The following SPART variants were observed in gnomAD, a reference collection of about 807,000 sequenced individuals.
SPART encodes the protein spartin.
SPART carries 35 observed loss-of-function variants against 58.7 expected under a neutral mutation model. The ratio of observed to expected loss-of-function variants is 0.60; its 90% confidence interval spans 0.46 to 0.79. The LOEUF (loss-of-function observed/expected upper bound fraction) is 0.79. Among genes scored for constraint, SPART ranks in the 30% least tolerant of loss-of-function variants. The probability of loss-of-function intolerance (pLI) is 0.00; values close to 1 mark genes in which losing one functional copy is unlikely to be tolerated. For synonymous variants in SPART, 284 were observed against 280.7 expected (o/e 1.01, Z -0.12); for missense variants, 730 against 786.1 (o/e 0.93, Z 0.85).
intron 1 of SPART, among the ~76,000 whole-genome samples, chr13:36,343,806 T>C (rs776909816): frequency 1.3e-5 from 2 of 152,188 alleles, no homozygotes; most frequent in Non-Finnish European, 2.9e-5. Context: ...TTTACAAATA[T>C]TGAGCAGCTT....
chr13:36,303,633 CTGA>C lies in SPART; in HGVS notation c.*729_*731del, dbSNP rs1235501667. On this transcript the variant is annotated 3_prime_UTR_variant, in exon 9 of 9. Transcript: ENST00000438666. Reference sequence around the variant, plus strand: ...GAAGTACTTTTTTAATCCAATTAAGCTGATAATAATCACTTCGAATTTTAATAC... The same window carrying C: ...GAAGTACTTTTTTAATCCAATTAAGCTAATAATCACTTCGAATTTTAATAC... 6.6e-6 allele frequency: 1 copy of C among 152,272 alleles called. No homozygotes were observed. Among genetic ancestry groups the C allele is most frequent in the East Asian group, 1.9e-4 (1 of 5,194 alleles). 9.4% of individuals were successfully genotyped at this position (152,272 alleles called of 1,614,324 possible).
At chr13:36,333,998 A>G (rs1883717574) in intron 2 of SPART, among the ~76,000 whole-genome samples, 2 of 152,218 alleles carry the variant, frequency 1.3e-5, no homozygotes, top group African/African-American at 4.8e-5. Flanking sequence ...TTGACTTCAT[A>G]TAAAAACTAC....
At chr13:36,366,620 G>A (rs1231744422) in intron 1 of SPART, among the ~76,000 whole-genome samples, 2 of 152,118 alleles carry the variant, frequency 1.3e-5, no homozygotes, top group African/African-American at 4.8e-5. Context: ...TTATTAGTTT[G>A]TAAAAGTCTG....
rs67872261 is a variant in SPART, at chr13:36,304,779, AAC to A, written c.1734-149_1734-148del. 2.8e-3 allele frequency: 2,248 copies of A among 797,132 alleles called. 35 individuals carry two copies. In the African/African-American group the frequency reaches 0.033, roughly 12 times the overall value. The allele number at this position is 797,132 out of a possible 1,614,324, so 49.4% of individuals were successfully genotyped here. A position where few individuals can be genotyped will look rare whatever the true frequency, so the allele number is the denominator to read the frequency against. On this transcript the variant is annotated intron_variant, in intron 8 of 8. Transcript: ENST00000438666. Reference sequence around the variant, plus strand: ...GGTTTCAATTTAATTAATAACTTAAAACACAGTAGAGAATGAAATCACACTCT... The same window carrying A: ...GGTTTCAATTTAATTAATAACTTAAAACAGTAGAGAATGAAATCACACTCT...
chr13:36,349,124 G>A (rs569155163), upstream of SPART, among the ~76,000 whole-genome samples: 121 of 152,184 alleles, frequency 8.0e-4, 1 homozygote, highest in African/African-American at 2.5e-3. Flanking sequence ...TTACCTGGGC[G>A]TGGTGGCGCA....
At chr13:36,324,884 C>T (rs796787527) in intron 5 of SPART, among the ~76,000 whole-genome samples, 10 of 151,952 alleles carry the variant, frequency 6.6e-5, no homozygotes, top group African/African-American at 1.5e-4. Context: ...GAGTGGGGGT[C>T]GCAAGGTGCT....
intron 8 of SPART, among the ~76,000 whole-genome samples, chr13:36,309,894 T>TA (rs1004982951): frequency 1.3e-5 from 2 of 152,096 alleles, no homozygotes; most frequent in Non-Finnish European, 2.9e-5. Context: ...GTTGAAATTA[T>TA]AAAAAAAGTA....
intron 1 of SPART, among the ~76,000 whole-genome samples, chr13:36,359,923 T>TAAA (rs375878141): frequency 0.18 from 21,524 of 120,220 alleles, 2,088 homozygotes; most frequent in Middle Eastern, 0.28. Context: ...GTTGTTAATT[T>TAAA]AAAAAAAAAA....
chr13:36,304,067 A>T lies in SPART; in HGVS notation c.*298T>A. 3 of 401,496 alleles carry T rather than the reference A, an allele frequency of 7.5e-6. No individual in the cohort carries two copies. In the East Asian group the frequency reaches 1.5e-4, roughly 21 times the overall value. 24.9% of individuals were successfully genotyped at this position (401,496 alleles called of 1,614,324 possible). On this transcript the variant is annotated 3_prime_UTR_variant, in exon 9 of 9. Coordinates refer to ENST00000438666, the MANE Select transcript of SPART (RefSeq NM_015087.5). ...ATAAAAATAGTTCAATATTAGGTTT[A>T]ACAAGGTTTGAACAACACATGTACT...
upstream of SPART, among the ~76,000 whole-genome samples, chr13:36,348,450 A>C (rs1288457143): frequency 1.3e-5 from 2 of 152,278 alleles, no homozygotes; most frequent in Admixed American, 1.3e-4. Flanking sequence ...AAATTGTTAT[A>C]TATAGAAAAC....
At chr13:36,304,764 T>A in intron 8 of SPART, 132 bp from the exon 9 acceptor site, 1 of 913,018 alleles carries the variant, frequency 1.1e-6, no homozygotes, top group Non-Finnish European at 1.6e-6. Flanking sequence ...GGTTTCAATT[T>A]AATTAATAAC....
intron 1 of SPART, among the ~76,000 whole-genome samples, chr13:36,352,320 C>T (rs1566146551): frequency 6.6e-6 from 1 of 152,144 alleles, no homozygotes; most frequent in Non-Finnish European, 1.5e-5. Flanking sequence ...TTTAACATTT[C>T]TTACTAACCT....
chr13:36,302,146 T>C lies in SPART; in HGVS notation c.*2219A>G, dbSNP rs1018608736. 1 of 152,146 alleles carries C rather than the reference T, an allele frequency of 6.6e-6. No individual in the cohort carries two copies. The highest frequency in any genetic ancestry group is 1.5e-5 in the Non-Finnish European group (1 of 68,014). 9.4% of individuals were successfully genotyped at this position (152,146 alleles called of 1,614,324 possible). ...GGTAAGAAAATAGGAAGAACATACA[T>C]ATAGGTAATTGGCAGCTTTCCATGT... On this transcript the variant is annotated 3_prime_UTR_variant, in exon 9 of 9. Transcript: ENST00000438666.
At chr13:36,326,200 A>C (rs924343246) in intron 5 of SPART, 3 of 296,508 alleles carry the variant, frequency 1.0e-5, no homozygotes, top group African/African-American at 6.7e-5. Flanking sequence ...ATTTCAATAT[A>C]TGAATTTTGA....
At chr13:36,329,009 G>C (rs1395088154) in intron 4 of SPART, among the ~76,000 whole-genome samples, 1 of 152,146 alleles carries the variant, frequency 6.6e-6, no homozygotes, top group Non-Finnish European at 1.5e-5. Flanking sequence ...CGTGAGGCAG[G>C]AGGATCACAT....
chr13:36,366,847 G>C (rs1293690670), intron 1 of SPART, among the ~76,000 whole-genome samples: 1 of 152,096 alleles, frequency 6.6e-6, no homozygotes, highest in East Asian at 1.9e-4. Context: ...CCACTCATCA[G>C]AGCCGTATCA....
At chr13:36,327,708 G>A (rs963687977) in intron 4 of SPART, among the ~76,000 whole-genome samples, 3 of 152,220 alleles carry the variant, frequency 2.0e-5, no homozygotes. Context: ...GTGTCTGAGG[G>A]CAGGCATGCT....
intron 1 of SPART, among the ~76,000 whole-genome samples, chr13:36,363,351 A>ATCTC (rs148406750): frequency 2.6e-4 from 38 of 148,214 alleles, no homozygotes; most frequent in East Asian, 4.0e-4. Flanking sequence ...TTAAATAAGC[A>ATCTC]TCTCTCTCTC....
chr13:36,307,693 G>A (rs148469606), intron 8 of SPART, among the ~76,000 whole-genome samples: 3 of 152,120 alleles, frequency 2.0e-5, no homozygotes, highest in East Asian at 3.9e-4. Context: ...GTACTATACC[G>A]CAATTAAGTG....
Sources: allele counts gnomAD v4.1 joint callset (sites outside exome capture counted in the v4.1 genomes callset), GRCh38; gene constraint gnomAD v4.1.1; transcripts MANE v1.5; gene names NCBI Gene and HGNC (gene_info 2026-07-23, HGNC 2026-07-21).